Variants in KSR2 observed in about 807,000 individuals in gnomAD.
The protein encoded by KSR2 is kinase suppressor of ras 2.
Under a neutral mutation model 107.8 loss-of-function variants are expected in KSR2, and 25 were observed. That is an observed-to-expected ratio of 0.23 (90% CI 0.17 to 0.32). KSR2 has a LOEUF of 0.32. Among genes scored for constraint, KSR2 ranks in the 10% least tolerant of loss-of-function variants. The probability of loss-of-function intolerance (pLI) is 1.00; values close to 1 mark genes in which losing one functional copy is unlikely to be tolerated. For synonymous variants in KSR2, 480 were observed against 507.0 expected (o/e 0.95, Z 0.71); for missense variants, 887 against 1,268.9 (o/e 0.70, Z 4.57).
At chr12:117,606,705 T>A in intron 5 of KSR2, among the ~76,000 whole-genome samples, 1 of 137,662 alleles carries the variant, frequency 7.3e-6, no homozygotes. Flanking sequence ...CCTTTCTTCC[T>A]CCCCTTCTTC....
At chr12:117,837,201 G>A (rs1345757211) in intron 3 of KSR2, among the ~76,000 whole-genome samples, 2 of 152,114 alleles carry the variant, frequency 1.3e-5, no homozygotes, top group African/African-American at 4.8e-5. Context: ...CCTGCCTGCC[G>A]AGAAAGCTCG....
At position 117,746,823 on chromosome 12, in the gene KSR2, A is replaced by T. The variant is rs868057663; in HGVS notation, c.986+14188T>A. 0.021 allele frequency among the ~76,000 whole-genome samples: 362 copies of T among 17,410 alleles called. 1 individual carries two copies. In the African/African-American group the frequency reaches 0.33, roughly 16 times the overall value. 11.4% of individuals were successfully genotyped at this position (17,410 alleles called of 152,430 possible). A position where few individuals can be genotyped will look rare whatever the true frequency, so the allele number is the denominator to read the frequency against. Reference sequence around the variant, plus strand: ...CATTTATGCAGCCAAAAAACATATAAAAAAAAAAAGCTCATCGTCACTGAT... The same window carrying T: ...CATTTATGCAGCCAAAAAACATATATAAAAAAAAAGCTCATCGTCACTGAT... On this transcript the variant is annotated intron_variant, in intron 4 of 19. Transcript: ENST00000339824.
chr12:117,519,311 G>C (rs1292463711), intron 14 of KSR2, among the ~76,000 whole-genome samples: 1 of 152,182 alleles, frequency 6.6e-6, no homozygotes, highest in Non-Finnish European at 1.5e-5. Context: ...GTTTGCTCCA[G>C]GTGGGAGGAA....
intron 3 of KSR2, among the ~76,000 whole-genome samples, chr12:117,832,681 G>C (rs1217361942): frequency 6.6e-6 from 1 of 152,214 alleles, no homozygotes; most frequent in East Asian, 1.9e-4. Flanking sequence ...GAGCCCTAGA[G>C]AGCAGGGTGC....
intron 5 of KSR2, among the ~76,000 whole-genome samples, chr12:117,603,812 C>G (rs577808237): frequency 6.6e-6 from 1 of 152,286 alleles, no homozygotes; most frequent in East Asian, 1.9e-4. Flanking sequence ...AGACACGCCT[C>G]ATTAAAACTC....
intron 1 of KSR2, among the ~76,000 whole-genome samples, chr12:117,889,025 C>T (rs545450560): frequency 1.3e-5 from 2 of 152,280 alleles, no homozygotes; most frequent in South Asian, 2.1e-4. Flanking sequence ...AATGCTCCCA[C>T]AGGTCTTATA....
chr12:117,604,873 C>T (rs1260335860), intron 5 of KSR2, among the ~76,000 whole-genome samples: 2 of 152,098 alleles, frequency 1.3e-5, no homozygotes, highest in Non-Finnish European at 2.9e-5. Flanking sequence ...TTCATTGTGG[C>T]CAAGCAAGAA....
At chr12:117,489,214 C>A in intron 14 of KSR2, among the ~76,000 whole-genome samples, 1 of 151,936 alleles carries the variant, frequency 6.6e-6, no homozygotes, top group East Asian at 1.9e-4. Flanking sequence ...TGGGGGAAGG[C>A]AGTGTTCTGT....
intron 5 of KSR2, among the ~76,000 whole-genome samples, chr12:117,621,964 G>T (rs972507060): frequency 1.3e-5 from 2 of 152,052 alleles, no homozygotes; most frequent in Non-Finnish European, 2.9e-5. Flanking sequence ...CACATTCCAT[G>T]GGCACCTTAT....
At chr12:117,734,049 G>A (rs918432167) in intron 4 of KSR2, among the ~76,000 whole-genome samples, 1 of 152,180 alleles carries the variant, frequency 6.6e-6, no homozygotes, top group Non-Finnish European at 1.5e-5. Flanking sequence ...GGGAGGCTGA[G>A]GCAGGCAGAT....
At chr12:117,580,145 T>G (rs1879552529) in intron 6 of KSR2, among the ~76,000 whole-genome samples, 1 of 152,140 alleles carries the variant, frequency 6.6e-6, no homozygotes, top group Non-Finnish European at 1.5e-5. Flanking sequence ...GAGGGAAAGG[T>G]TGCATCCCTC....
At chr12:117,728,169 C>T (rs1437907101) in intron 4 of KSR2, among the ~76,000 whole-genome samples, 2 of 152,172 alleles carry the variant, frequency 1.3e-5, no homozygotes, top group Non-Finnish European at 2.9e-5. Flanking sequence ...ACTCATTGAA[C>T]TTACCATCTG....
intron 14 of KSR2, among the ~76,000 whole-genome samples, chr12:117,521,739 G>A (rs1438436192): frequency 6.6e-6 from 1 of 152,170 alleles, no homozygotes; most frequent in Non-Finnish European, 1.5e-5. Flanking sequence ...TATGTTCCCT[G>A]TAAAATAAAT....
intron 14 of KSR2, chr12:117,517,726 T>C (rs1208447108): frequency 2.4e-6 from 1 of 423,708 alleles, no homozygotes; most frequent in African/African-American, 2.1e-5. Context: ...CTGTGCTTTA[T>C]AAAGGGAAAG....
intron 10 of KSR2, among the ~76,000 whole-genome samples, chr12:117,534,541 T>C (rs1221374265): frequency 6.6e-6 from 1 of 152,150 alleles, no homozygotes; most frequent in Non-Finnish European, 1.5e-5. Flanking sequence ...TTCATGCATA[T>C]GTTTATTTGG....
intron 1 of KSR2, among the ~76,000 whole-genome samples, chr12:117,888,325 T>C (rs1894239641): frequency 6.6e-6 from 1 of 152,148 alleles, no homozygotes; most frequent in African/African-American, 2.4e-5. Context: ...ATATCAAAAG[T>C]ATGCTCTCCA....
At chr12:117,509,761 G>C (rs1873915285) in intron 14 of KSR2, among the ~76,000 whole-genome samples, 1 of 152,222 alleles carries the variant, frequency 6.6e-6, no homozygotes, top group Admixed American at 6.5e-5. Flanking sequence ...GAGGATGCTT[G>C]TGACCCCCTT....
At chr12:117,725,390 T>C (rs912979118) in intron 4 of KSR2, among the ~76,000 whole-genome samples, 1 of 152,250 alleles carries the variant, frequency 6.6e-6, no homozygotes, top group African/African-American at 2.4e-5. Flanking sequence ...CACATGCATA[T>C]GGCCAACTTA....
At chr12:117,874,999 G>T (rs984576876) in intron 1 of KSR2, among the ~76,000 whole-genome samples, 1 of 152,110 alleles carries the variant, frequency 6.6e-6, no homozygotes, top group Non-Finnish European at 1.5e-5. Context: ...GAGCCCGGAG[G>T]TGTAATTTTC....
Sources: allele counts gnomAD v4.1 joint callset (sites outside exome capture counted in the v4.1 genomes callset), GRCh38; gene constraint gnomAD v4.1.1; transcripts MANE v1.5; gene names NCBI Gene and HGNC (gene_info 2026-07-23, HGNC 2026-07-21).